Variants in PRKCB observed in about 807,000 individuals in gnomAD.
PRKCB encodes protein kinase C beta, also known as protein kinase C beta type.
A neutral mutation model predicts 81.5 loss-of-function variants in PRKCB; 13 were observed. The ratio of observed to expected loss-of-function variants is 0.16; its 90% confidence interval spans 0.10 to 0.25. The LOEUF is 0.25. PRKCB is among the 10% of genes least tolerant of loss of function. The probability of loss-of-function intolerance (pLI) is 1.00; values close to 1 mark genes in which losing one functional copy is unlikely to be tolerated. For missense variants in PRKCB, 509 were observed against 875.7 expected (o/e 0.58, Z 5.29); for synonymous variants, 335 against 321.4 (o/e 1.04, Z -0.45).
chr16:24,205,913 G>A (rs925632493), intron 16 of PRKCB, among the ~76,000 whole-genome samples: 3 of 152,214 alleles, frequency 2.0e-5, no homozygotes, highest in Non-Finnish European at 2.9e-5. Flanking sequence ...AGGGAAGAAT[G>A]AGAATCCTCT....
intron 5 of PRKCB, among the ~76,000 whole-genome samples, chr16:24,081,482 T>G (rs75643162): frequency 0.015 from 2,220 of 152,280 alleles, 49 homozygotes; most frequent in African/African-American, 0.051. Context: ...ACTGCATGCT[T>G]TCTCATTAAG....
At chr16:24,170,302 A>G (rs1005851480) in intron 10 of PRKCB, among the ~76,000 whole-genome samples, 1 of 152,080 alleles carries the variant, frequency 6.6e-6, no homozygotes, top group Non-Finnish European at 1.5e-5. Flanking sequence ...TTCAAAATAT[A>G]ATTAACAAAT....
chr16:23,922,476 T>G (rs933288379), intron 2 of PRKCB, among the ~76,000 whole-genome samples: 2 of 152,224 alleles, frequency 1.3e-5, no homozygotes, highest in African/African-American at 4.8e-5. Flanking sequence ...CTCTGCAACC[T>G]CTCATCTATA....
chr16:23,870,176 T>C (rs998725488), intron 2 of PRKCB, among the ~76,000 whole-genome samples: 2 of 152,220 alleles, frequency 1.3e-5, no homozygotes, highest in African/African-American at 2.4e-5. Context: ...AGCACCAAAC[T>C]GATACTTTCT....
chr16:23,980,424 C>CTTAA (rs1964681031), intron 2 of PRKCB, among the ~76,000 whole-genome samples: 1 of 152,270 alleles, frequency 6.6e-6, no homozygotes, highest in African/African-American at 2.4e-5. Flanking sequence ...GTGGCTCCAA[C>CTTAA]TTAAATGCCC....
chr16:24,063,930 C>A (rs1966003261), intron 5 of PRKCB, among the ~76,000 whole-genome samples: 1 of 152,154 alleles, frequency 6.6e-6, no homozygotes, highest in Non-Finnish European at 1.5e-5. Flanking sequence ...GTATAACTTG[C>A]AGTTGAAAAA....
At chr16:24,041,498 G>C (rs983233685) in intron 5 of PRKCB, among the ~76,000 whole-genome samples, 4 of 151,914 alleles carry the variant, frequency 2.6e-5, no homozygotes, top group African/African-American at 9.7e-5. Flanking sequence ...CAAAAGTTGG[G>C]AGTGTTCTTA....
At chr16:23,926,991 T>C (rs1963905797) in intron 2 of PRKCB, among the ~76,000 whole-genome samples, 1 of 152,180 alleles carries the variant, frequency 6.6e-6, no homozygotes, top group African/African-American at 2.4e-5. Context: ...ATGGTGGTGG[T>C]GGTGCTGAGG....
At chr16:24,049,016 T>C (rs186966586) in intron 5 of PRKCB, among the ~76,000 whole-genome samples, 31 of 146,990 alleles carry the variant, frequency 2.1e-4, no homozygotes, top group Middle Eastern at 3.6e-3. Context: ...ACTGTGAGGC[T>C]GAAGATGATA....
chr16:23,858,079 A>G (rs1309847699), intron 2 of PRKCB, among the ~76,000 whole-genome samples: 1 of 148,592 alleles, frequency 6.7e-6, no homozygotes, highest in Non-Finnish European at 1.5e-5. Flanking sequence ...TGATGGTGAC[A>G]ATGACGTTGA....
rs139818437 is a variant in PRKCB at position 24,191,310 on chromosome 16, C to G, written c.1863+80C>G. On this transcript the variant is annotated intron_variant, in intron 16 of 16. Coordinates refer to ENST00000643927, the MANE Select transcript of PRKCB (RefSeq NM_002738.7). ...CTGTGCCTCATGTTTTCCAAATGCTCCCTGAGGGGTAGACGTCAATGTGTC... is the reference window on the plus strand; with the variant it reads ...CTGTGCCTCATGTTTTCCAAATGCTGCCTGAGGGGTAGACGTCAATGTGTC... The G allele has an allele frequency of 7.2e-6, 11 of 1,531,424 alleles. No homozygotes were observed. In the African/African-American group the frequency reaches 8.2e-5, roughly 11 times the overall value. The allele number at this position is 1,531,424 out of a possible 1,614,324, so 94.9% of individuals were successfully genotyped here. A position where few individuals can be genotyped will look rare whatever the true frequency, so the allele number is the denominator to read the frequency against.
intron 5 of PRKCB, among the ~76,000 whole-genome samples, chr16:24,082,564 G>A (rs1017449583): frequency 6.6e-6 from 1 of 152,008 alleles, no homozygotes; most frequent in Non-Finnish European, 1.5e-5. Context: ...ACACAAATAC[G>A]GCCTATTGAT....
intron 9 of PRKCB, among the ~76,000 whole-genome samples, chr16:24,140,324 C>T (rs936484969): frequency 3.9e-5 from 6 of 152,178 alleles, no homozygotes; most frequent in South Asian, 2.1e-4. Flanking sequence ...GTGAAGAATT[C>T]GCCAACAACC....
chr16:24,107,614 G>A (rs1216257046), intron 7 of PRKCB, among the ~76,000 whole-genome samples: 1 of 152,202 alleles, frequency 6.6e-6, no homozygotes, highest in Non-Finnish European at 1.5e-5. Flanking sequence ...CTCTCTGAGG[G>A]GGCACACGTG....
chr16:23,996,247 G>A lies in PRKCB; in HGVS notation c.288+7657G>A, dbSNP rs546542855. 8.5e-5 allele frequency among the ~76,000 whole-genome samples: 13 copies of A among 152,238 alleles called. No homozygotes were observed. The South Asian group carries it at 1.7e-3, about 19-fold the overall frequency. On this transcript the variant is annotated intron_variant, in intron 3 of 16. Coordinates refer to ENST00000643927, the MANE Select transcript of PRKCB (RefSeq NM_002738.7). ...TCAGCAGAGGAGGATTTTAATAATT[G>A]ACTTGATAGAATGACCCGTTCTTTG...
At chr16:24,033,723 C>T (rs546441085) in intron 4 of PRKCB, among the ~76,000 whole-genome samples, 4 of 152,230 alleles carry the variant, frequency 2.6e-5, no homozygotes, top group Admixed American at 1.3e-4. Flanking sequence ...GATCACACTA[C>T]TGCACTCCAG....
At position 23,992,502 on chromosome 16, in the gene PRKCB, G is replaced by T. The variant is rs151070762; in HGVS notation, c.288+3912G>T. 3.5e-3 allele frequency among the ~76,000 whole-genome samples: 527 copies of T among 152,230 alleles called. 3 individuals carry two copies. Among genetic ancestry groups the T allele is most frequent in the African/African-American group, 0.012 (508 of 41,530 alleles). On this transcript the variant is annotated intron_variant, in intron 3 of 16. Transcript: ENST00000643927. ...TAAGAAGCAAGGAGCCAAGTGATTC[G>T]ATATATGATACCCAAACACTTTTGG...
At chr16:23,895,191 A>G (rs1323663637) in intron 2 of PRKCB, among the ~76,000 whole-genome samples, 3 of 152,144 alleles carry the variant, frequency 2.0e-5, no homozygotes, top group Non-Finnish European at 4.4e-5. Context: ...GCATAAAACT[A>G]TATATATTGT....
At chr16:24,122,877 C>T (rs1335983482) in intron 8 of PRKCB, among the ~76,000 whole-genome samples, 1 of 152,182 alleles carries the variant, frequency 6.6e-6, no homozygotes, top group Non-Finnish European at 1.5e-5. Flanking sequence ...TTCCAAAGCA[C>T]CTGCTGCCAC....
Sources: gnomAD v4.1 joint callset for allele counts (sites outside exome capture counted in the v4.1 genomes callset) on GRCh38, gnomAD v4.1.1 for gene constraint, MANE v1.5 for transcripts, NCBI Gene and HGNC (gene_info 2026-07-23, HGNC 2026-07-21) for gene names.